Variants in CELF2 observed in about 807,000 individuals in gnomAD.
CELF2 encodes CUG triplet repeat RNA-binding protein 2.
A neutral mutation model predicts 62.6 loss-of-function variants in CELF2; 8 were observed. That is an observed-to-expected ratio of 0.13 (90% CI 0.07 to 0.23). CELF2 has a LOEUF of 0.23. Ranked by LOEUF, CELF2 falls within the 10% of genes least tolerant of loss-of-function variation. The probability of loss-of-function intolerance (pLI) is 1.00; values close to 1 mark genes in which losing one functional copy is unlikely to be tolerated. For missense variants in CELF2, 333 were observed against 671.0 expected, an observed-to-expected ratio of 0.50 and a Z score of 5.56; for synonymous variants, 258 against 250.0, an observed-to-expected ratio of 1.03 and a Z score of -0.30.
chr10:10,653,118 G>T, the CELF2 span, among the ~76,000 whole-genome samples: 3 of 151,876 alleles, frequency 2.0e-5, no homozygotes, highest in East Asian at 5.8e-4. Flanking sequence ...AAGAGACAAA[G>T]AAGGCCACTA....
At position 11,264,883 on chromosome 10, in the gene CELF2, T is replaced by C. The variant is rs116793013; in HGVS notation, c.539-1715T>C. The stretch of plus-strand genomic sequence containing the variant: ...AGACAGCTCAGCATTCACCGTGAGC[T>C]GAACTTCATTCAGGCTTCTTCAAGC... On this transcript the variant is annotated intron_variant, in intron 5 of 12. Coordinates refer to ENST00000633077, the MANE Select transcript of CELF2 (RefSeq NM_001326342.2). 5.4e-3 allele frequency among the ~76,000 whole-genome samples: 828 copies of C among 152,368 alleles called. 7 individuals carry two copies. The highest frequency in any genetic ancestry group is 0.019 in the African/African-American group (782 of 41,588).
At chr10:11,144,762 C>T (rs2061947475) in intron 1 of CELF2, among the ~76,000 whole-genome samples, 1 of 151,698 alleles carries the variant, frequency 6.6e-6, no homozygotes, top group Non-Finnish European at 1.5e-5. Context: ...TGTGGTGGTG[C>T]ACGCCTGTCG....
intron 1 of CELF2, among the ~76,000 whole-genome samples, chr10:11,085,292 T>C (rs1484112900): frequency 6.6e-6 from 1 of 152,210 alleles, no homozygotes; most frequent in Non-Finnish European, 1.5e-5. Flanking sequence ...ACATCATTGT[T>C]CAGTGGCTGG....
chr10:10,669,386 T>C, the CELF2 span, among the ~76,000 whole-genome samples: 1 of 152,264 alleles, frequency 6.6e-6, no homozygotes, highest in Admixed American at 6.5e-5. Flanking sequence ...AGAATTATAC[T>C]GCACAGGTGG....
the CELF2 span, among the ~76,000 whole-genome samples, chr10:10,604,747 A>T: frequency 2.0e-5 from 3 of 152,044 alleles, no homozygotes; most frequent in Non-Finnish European, 4.4e-5. Context: ...TAATACAAAC[A>T]TTTTGTCCAA....
Position 10,995,990 on chromosome 10 carries a change from C to CTA in CELF2, c.89+75992_89+75993dup, listed in dbSNP as rs2053907073. ...GTTCAGTCTGTGAATATTCCATGAG[C>CTA]TAAACACTTAGGTGAACTTTCCTGT... On this transcript the variant is annotated intron_variant, in intron 2 of 13. Transcript: ENST00000636488. The surrounding 1 kb of genome is among the most constrained non-coding windows in gnomAD (Gnocchi z 4.7). 6.6e-6 allele frequency among the ~76,000 whole-genome samples: 1 copy of CTA among 152,124 alleles called. No individual in the cohort carries two copies. Among genetic ancestry groups the CTA allele is most frequent in the South Asian group, 2.1e-4 (1 of 4,824 alleles).
chr10:11,291,204 T>C (rs868256658), intron 9 of CELF2, among the ~76,000 whole-genome samples: 11 of 152,260 alleles, frequency 7.2e-5, no homozygotes, highest in African/African-American at 1.9e-4. Context: ...TTTTTAAGCG[T>C]GTCTCTTAAG....
the CELF2 span, among the ~76,000 whole-genome samples, chr10:10,694,144 C>T: frequency 1.3e-5 from 2 of 151,500 alleles, no homozygotes; most frequent in South Asian, 2.1e-4. Flanking sequence ...CTCTTGTGGG[C>T]ATTTAGTGCT....
At position 11,285,879 on chromosome 10, in the gene CELF2, T is replaced by TGTG. The variant is rs1385996500; in HGVS notation, c.842-2539_842-2538insGTG. Among the ~76,000 whole-genome samples, 4,158 of 107,950 alleles carry TGTG rather than the reference T, an allele frequency of 0.039. 163 individuals are homozygous for TGTG. Among genetic ancestry groups the TGTG allele is most frequent in the East Asian group, 0.13 (512 of 3,964 alleles). 70.8% of individuals were successfully genotyped at this position (107,950 alleles called of 152,430 possible). A position where few individuals can be genotyped will look rare whatever the true frequency, so the allele number is the denominator to read the frequency against. On this transcript the variant is annotated intron_variant, in intron 8 of 12. Transcript: ENST00000633077. This position sits in a 1 kb window ranked among gnomAD's most constrained non-coding sequence, Gnocchi z 4.3. ...TGTGTGTGTGTGTGTGTGTGTGTGT[T>TGTG]TTTACATGGACTTGAAAATGAGTAA... is the stretch of plus-strand genomic sequence containing the variant.
At chr10:11,019,525 T>C (rs2137962152) in intron 1 of CELF2, among the ~76,000 whole-genome samples, 1 of 152,232 alleles carries the variant, frequency 6.6e-6, no homozygotes, top group South Asian at 2.1e-4. Context: ...TGTTAAGTGT[T>C]ATGAGTTAAG....
the CELF2 span, among the ~76,000 whole-genome samples, chr10:10,621,846 G>T: frequency 6.6e-6 from 1 of 152,118 alleles, no homozygotes; most frequent in Non-Finnish European, 1.5e-5. Flanking sequence ...TTAAATGTAA[G>T]CACCCTTCCA....
intron 1 of CELF2, among the ~76,000 whole-genome samples, chr10:11,131,951 T>C (rs951660874): frequency 6.6e-6 from 1 of 152,248 alleles, no homozygotes; most frequent in Non-Finnish European, 1.5e-5. Flanking sequence ...GAGTGATATT[T>C]TGGGTGGATA....
In CELF2 at chr10:11,217,632, A is replaced by C. The variant is rs1038140818; in HGVS notation, c.354+125A>C. 2.3e-5 allele frequency: 14 copies of C among 619,578 alleles called. No homozygotes were observed. The highest frequency in any genetic ancestry group is 2.8e-6 in the Non-Finnish European group (1 of 360,414). The allele number at this position is 619,578 out of a possible 1,614,324, so 38.4% of individuals were successfully genotyped here. ...TTGGTCTTTTGAGGAGTGTGTGCTG[A>C]CCCCCCAGTTCCCTGCAGCAGCCAC... On this transcript the variant is annotated intron_variant, in intron 3 of 12. Coordinates refer to ENST00000633077, the MANE Select transcript of CELF2 (RefSeq NM_001326342.2). This position sits in a 1 kb window ranked among gnomAD's most constrained non-coding sequence, Gnocchi z 5.6.
intron 1 of CELF2, among the ~76,000 whole-genome samples, chr10:11,060,802 A>G (rs185104829): frequency 2.6e-5 from 4 of 152,310 alleles, no homozygotes. Context: ...TAACTGTTAC[A>G]GTGATCTGTG....
the CELF2 span, among the ~76,000 whole-genome samples, chr10:10,692,036 T>G: frequency 8.4e-3 from 1,270 of 150,724 alleles, 16 homozygotes; most frequent in African/African-American, 0.029. Flanking sequence ...GTCAATTTTG[T>G]CTTTTGTTGC....
chr10:10,897,867 A>G (rs1431347291), intron 1 of CELF2, among the ~76,000 whole-genome samples: 1 of 152,192 alleles, frequency 6.6e-6, no homozygotes, highest in Non-Finnish European at 1.5e-5. Flanking sequence ...CTGCTCAACT[A>G]CAGACATGTT....
At chr10:10,787,601 T>G in the CELF2 span, among the ~76,000 whole-genome samples, 1 of 152,224 alleles carries the variant, frequency 6.6e-6, no homozygotes, top group Non-Finnish European at 1.5e-5. Context: ...ATAAAGATTA[T>G]TGTTCATATA....
chr10:10,999,723 G>C (rs1001486109), intron 2 of CELF2, among the ~76,000 whole-genome samples: 3 of 151,992 alleles, frequency 2.0e-5, no homozygotes, highest in Non-Finnish European at 2.9e-5. Flanking sequence ...TTGCCATATT[G>C]GTCTCACCTT....
At chr10:10,761,905 CGTGTGTGTGTGTGTGTGTGT>C in the CELF2 span, among the ~76,000 whole-genome samples, 21 of 128,880 alleles carry the variant, frequency 1.6e-4, no homozygotes, top group East Asian at 2.3e-4. Flanking sequence ...TATAATAAAC[CGTGTGTGTGTGTGTGTGTGT>C]GTGTGTGTGT....
Sources: allele counts gnomAD v4.1 joint callset (sites outside exome capture counted in the v4.1 genomes callset), GRCh38; gene constraint gnomAD v4.1.1; non-coding constraint Gnocchi (gnomAD v3.1); transcripts MANE v1.5; gene names NCBI Gene and HGNC (gene_info 2026-07-23, HGNC 2026-07-21).